ACAP3: variants seen among roughly 807,000 people sequenced by gnomAD.
ACAP3 encodes the protein arf-GAP with coiled-coil, ANK repeat and PH domain-containing protein 3.
In ACAP3, 56 loss-of-function variants were observed where a neutral mutation model predicts 104.1. The observed-to-expected ratio is 0.54, with a 90% confidence interval of 0.43 to 0.67. The LOEUF (loss-of-function observed/expected upper bound fraction) is 0.67. Ranked by LOEUF, ACAP3 falls within the 30% of genes least tolerant of loss-of-function variation. The pLI, the probability that ACAP3 is intolerant of heterozygous loss-of-function variation, is 0.00. For synonymous variants in ACAP3, 628 were observed against 496.2 expected (o/e 1.27, Z -3.53); for missense variants, 1,208 against 1,174.9 (o/e 1.03, Z -0.41).
At chr1:1,307,381 G>A (rs1176831714) in intron 1 of ACAP3, 1 of 1,290,514 alleles carries the variant, frequency 7.7e-7, no homozygotes, top group Non-Finnish European at 1.0e-6. Context: ...CCCACGCGCT[G>A]CTCTGGACAC....
intron 12 of ACAP3, 88 bp from the exon 13 acceptor site, chr1:1,298,201 C>T (rs1481473417): frequency 3.2e-6 from 5 of 1,561,906 alleles, no homozygotes; most frequent in East Asian, 2.4e-5. Context: ...GACCCGGAGG[C>T]CGACTGCCTG....
At chr1:1,297,780 T>C in intron 14 of ACAP3, 42 bp downstream of exon 14, 1 of 1,572,432 alleles carries the variant, frequency 6.4e-7, no homozygotes, top group Non-Finnish European at 8.7e-7. Context: ...CGGTGGCACG[T>C]GTGTGTGCAC....
At chr1:1,301,606 C>T (rs1641449540) in intron 5 of ACAP3, 1 of 170,006 alleles carries the variant, frequency 5.9e-6, no homozygotes, top group African/African-American at 2.4e-5. Flanking sequence ...GGCATAGCCT[C>T]CTTCCTCACC....
Position 1,307,243 on chromosome 1 carries a change from A to G in ACAP3, c.47+526T>C, listed in dbSNP as rs879122635. On this transcript the variant is annotated intron_variant, in intron 1 of 23. Coordinates refer to ENST00000354700, the MANE Select transcript of ACAP3 (RefSeq NM_030649.3). Reference sequence around the variant, plus strand: ...CAGACTCGGTGTGCACACAACCCCTACCCCCTACCTGACCTTCCCCGCCGC... The same window carrying G: ...CAGACTCGGTGTGCACACAACCCCTGCCCCCTACCTGACCTTCCCCGCCGC... The G allele has an allele frequency of 1.3e-5, 16 of 1,278,346 alleles. No individual in the cohort carries two copies. The East Asian group carries it at 3.9e-4, about 31-fold the overall frequency. 79.2% of individuals were successfully genotyped at this position (1,278,346 alleles called of 1,614,324 possible).
At position 1,299,916 on chromosome 1, in the gene ACAP3, TGGCATTAGGGAAGGTCACGGA is replaced by T; in HGVS notation, c.664-32_664-12del. ...CACCAGCTGGTCCAGCTGTTGGGGG[TGGCATTAGGGAAGGTCACGGA>T]GGCCTGGCCCAGCCCCACCCCTCCC... On this transcript the variant is annotated splice_polypyrimidine_tract_variant and intron_variant, in intron 8 of 23. Transcript: ENST00000354700. 6.3e-7 allele frequency: 1 copy of T among 1,585,996 alleles called. No homozygotes were observed. The highest frequency in any genetic ancestry group is 8.6e-7 in the Non-Finnish European group (1 of 1,160,944).
intron 14 of ACAP3, 136 bp from the exon 15 acceptor site, chr1:1,296,769 G>A (rs923509101): frequency 2.3e-5 from 21 of 903,436 alleles, no homozygotes; most frequent in Middle Eastern, 3.3e-4. Context: ...GCACGTACAC[G>A]CGCACACCCT....
At position 1,303,536 on chromosome 1, in the gene ACAP3, A is replaced by G; in HGVS notation, c.106-255T>C. The G allele has an allele frequency of 1.7e-6, 1 of 578,372 alleles. No homozygotes were observed. The allele number at this position is 578,372 out of a possible 1,614,324, so 35.8% of individuals were successfully genotyped here. A position where few individuals can be genotyped will look rare whatever the true frequency, so the allele number is the denominator to read the frequency against. On this transcript the variant is annotated intron_variant, in intron 2 of 23. Coordinates refer to ENST00000354700, the MANE Select transcript of ACAP3 (RefSeq NM_030649.3). The surrounding 1 kb of genome is among the most constrained non-coding windows in gnomAD (Gnocchi z 4.0). ...GGAGCCAGGCAGGGGACCCAGGGCC[A>G]GCAGGACCAGCAGAACCAGCCCATG...
chr1:1,307,525 G>A (rs1014980622), intron 1 of ACAP3: 36 of 1,139,534 alleles, frequency 3.2e-5, no homozygotes, highest in Non-Finnish European at 4.0e-5. Flanking sequence ...CGGTCCCGAG[G>A]TGCCCACGGC....
intron 1 of ACAP3, among the ~76,000 whole-genome samples, chr1:1,306,663 C>T (rs1044211220): frequency 3.3e-5 from 5 of 152,302 alleles, no homozygotes; most frequent in Non-Finnish European, 4.4e-5. Context: ...CCAGCGCGCG[C>T]GTGCACACCC....
chr1:1,305,475 C>T (rs1411993358), intron 1 of ACAP3: 1 of 152,374 alleles, frequency 6.6e-6, no homozygotes, highest in East Asian at 1.9e-4. Context: ...ACAGCTGCAC[C>T]CAGAGCTGCC....
Position 1,295,904 on chromosome 1 carries a change from CG to C in ACAP3, c.1536del (p.Tyr512Ter), listed in dbSNP as rs1557598309. 1 of 1,612,326 alleles carries C rather than the reference CG, an allele frequency of 6.2e-7. No homozygotes were observed. The highest frequency in any genetic ancestry group is 8.5e-7 in the Non-Finnish European group (1 of 1,179,976). The stretch of plus-strand genomic sequence containing the variant: ...GCCTTCCGCAGAAACTTCTTTTCCA[CG>C]TATTTGTCCTTGATCCAGGCCTCCT... Reference protein sequence around the residue: ...QDKEAWIKDKYVEKKFLRKAP... With the variant: ...QDKEAWIKDKXVEKKFLRKAP... On this transcript the variant is annotated frameshift_variant, in exon 18 of 24. Coordinates refer to ENST00000354700, the MANE Select transcript of ACAP3 (RefSeq NM_030649.3). LOFTEE classifies it high-confidence loss of function.
chr1:1,298,113 C>T lies in ACAP3; in HGVS notation c.916G>A (p.Asp306Asn), dbSNP rs756339330. 5.6e-6 allele frequency: 9 copies of T among 1,604,888 alleles called. No homozygotes were observed. The highest frequency in any genetic ancestry group is 1.7e-5 in the Admixed American group (1 of 59,194). The change falls in exon 13 of 24, where the codon GAT (aspartate) becomes AAT (asparagine). Residue 306 changes from aspartate (D) to asparagine (N), a missense_variant and splice_region_variant. By Grantham distance (23) the Asp-to-Asn change is conservative. Coordinates refer to ENST00000354700, the MANE Select transcript of ACAP3 (RefSeq NM_030649.3). ...SQLVYQKKLK[D>N]ALTVVVDDLR... ...TCATCCACCACCACGGTGAGGGCAT[C>T]CTGTGGGCGGCACCGCTGTGGCCCC...
chr1:1,300,215 G>T lies in ACAP3; in HGVS notation c.523-13C>A, dbSNP rs747760723. The T allele has an allele frequency of 3.7e-6, 6 of 1,600,122 alleles. No homozygotes were observed. The East Asian group carries it at 1.1e-4, about 30-fold the overall frequency. ...GCAGAACATTGATCTGCCAGAGGGGGAGCCCACAGGTGAGCCCCGGAGGCT... is the reference window on the plus strand; with the variant it reads ...GCAGAACATTGATCTGCCAGAGGGGTAGCCCACAGGTGAGCCCCGGAGGCT... On this transcript the variant is annotated splice_polypyrimidine_tract_variant and intron_variant, in intron 6 of 23. Transcript: ENST00000354700.
intron 9 of ACAP3, 127 bp from the exon 10 acceptor site, chr1:1,299,483 G>GACCCGTCCCCAACTCCTGGTGA: frequency 8.5e-7 from 1 of 1,183,288 alleles, no homozygotes; most frequent in Admixed American, 3.3e-5. Context: ...CTCCTGGGGG[G>GACCCGTCCCCAACTCCTGGTGA]CTCTCCCCTA....
chr1:1,294,584 T>C lies in ACAP3; in HGVS notation c.1957A>G (p.Thr653Ala), dbSNP rs374826827. The C allele has an allele frequency of 8.6e-6, 13 of 1,511,552 alleles. No individual in the cohort carries two copies. In the African/African-American group the frequency reaches 1.6e-4, roughly 18 times the overall value. 93.6% of individuals were successfully genotyped at this position (1,511,552 alleles called of 1,614,324 possible). A position where few individuals can be genotyped will look rare whatever the true frequency, so the allele number is the denominator to read the frequency against. ...EESSGEADGD[T>A]EAEAWGLADV... ...GCCAGGCCCCAGGCCTCGGCCTCAG[T>C]GTCCCCGTCTGCCTCACCGCTGGAC... Residue 653 changes from threonine (T) to alanine (A), a missense_variant, in exon 21 of 24, where the codon ACT becomes GCT. By Grantham distance (58) the Thr-to-Ala change is moderately conservative (BLOSUM62 0). Transcript: ENST00000354700.
Position 1,298,670 on chromosome 1 carries a change from A to G in ACAP3, c.760T>C (p.Tyr254His). Residue 254 changes from tyrosine (Y) to histidine (H), a missense_variant, in exon 11 of 24, where the codon TAC becomes CAC. Tyr to His is a moderately conservative substitution (Grantham distance 83). Transcript: ENST00000354700. ...QQRTLLQDFS[Y>H]DESKVEFDVD... ...TCAAACTCCACTTTGGACTCATCGT[A>G]GGAGAAGTCCTGGGGGGATGGAACC... 1.2e-6 allele frequency: 2 copies of G among 1,612,266 alleles called. No individual in the cohort carries two copies. Among genetic ancestry groups the G allele is most frequent in the Non-Finnish European group, 1.7e-6 (2 of 1,179,656 alleles).
At chr1:1,300,134 CA>C (rs1557605655) in intron 7 of ACAP3, 23 bp downstream of exon 7, 6 of 1,609,018 alleles carry the variant, frequency 3.7e-6, no homozygotes, top group Admixed American at 1.7e-5. Flanking sequence ...AGCCTGTGCT[CA>C]GGGGCAGCCC....
chr1:1,300,187 C>T lies in ACAP3; in HGVS notation c.538G>A (p.Ala180Thr), dbSNP rs750225557. 10 of 1,609,788 alleles carry T rather than the reference C, an allele frequency of 6.2e-6. No homozygotes were observed. Among genetic ancestry groups the T allele is most frequent in the South Asian group, 5.5e-5 (5 of 90,690 alleles). ...TCCAGGATCTCAAACTTCTTCTTGG[C>T]CTGCAGAACATTGATCTGCCAGAGG... ...DYVLQINVLQ[A>T]KKKFEILDSM... Residue 180 changes from alanine to threonine, a missense_variant, in exon 7 of 24, where the codon GCC (alanine) becomes ACC (threonine). By Grantham distance (58) the Ala-to-Thr change is moderately conservative (BLOSUM62 0). Coordinates refer to ENST00000354700, the MANE Select transcript of ACAP3 (RefSeq NM_030649.3).
chr1:1,296,320 G>A (rs1245629336), intron 15 of ACAP3, 40 bp from the exon 16 acceptor site: 5 of 1,549,480 alleles, frequency 3.2e-6, no homozygotes, highest in Non-Finnish European at 4.4e-6. Flanking sequence ...GGGAGGCAAG[G>A]CCCCCAGCTC....
Sources: allele counts gnomAD v4.1 joint callset (sites outside exome capture counted in the v4.1 genomes callset), GRCh38; gene constraint gnomAD v4.1.1; non-coding constraint Gnocchi (gnomAD v3.1); transcripts MANE v1.5; gene names NCBI Gene and HGNC (gene_info 2026-07-23, HGNC 2026-07-21).